The following KCNH8 variants were observed in gnomAD, a reference collection of about 807,000 sequenced individuals.
KCNH8 encodes voltage-gated delayed rectifier potassium channel KCNH8.
A neutral mutation model predicts 103.6 loss-of-function variants in KCNH8; 70 were observed. The observed-to-expected ratio is 0.68, with a 90% CI of 0.56 to 0.82. KCNH8 has a LOEUF of 0.82. KCNH8 is among the 40% of genes least tolerant of loss of function. KCNH8 has a pLI of 0.00. For missense variants in KCNH8, 1,217 were observed against 1,329.9 expected, an observed-to-expected ratio of 0.92 and a Z score of 1.32; for synonymous variants, 498 against 489.4, an observed-to-expected ratio of 1.02 and a Z score of -0.23.
At chr3:19,195,712 A>G (rs2063594287) in intron 1 of KCNH8, among the ~76,000 whole-genome samples, 1 of 152,030 alleles carries the variant, frequency 6.6e-6, no homozygotes. Flanking sequence ...ACCCAAGCTC[A>G]GCCAATCAGA....
At position 19,259,140 on chromosome 3, in the gene KCNH8, G is replaced by A. The variant is rs189867765; in HGVS notation, c.310+5253G>A. Among the ~76,000 whole-genome samples the A allele has an allele frequency of 4.8e-4, 73 of 150,764 alleles. No homozygotes were observed. In the East Asian group the frequency reaches 0.01, roughly 21 times the overall value. ...TCACAAATGCATTCATTCTCACGTC[G>A]CCATCAAGGTTTGCCATTTCTGTGT... On this transcript the variant is annotated intron_variant, in intron 2 of 15. Transcript: ENST00000328405.
intron 2 of KCNH8, 69 bp from the exon 3 acceptor site, chr3:19,281,128 TG>T: frequency 1.3e-6 from 2 of 1,494,830 alleles, no homozygotes; most frequent in Non-Finnish European, 9.1e-7. Flanking sequence ...TTTTTATTGA[TG>T]ATTGAGATTT....
chr3:19,236,604 T>C (rs1176462025), intron 1 of KCNH8, among the ~76,000 whole-genome samples: 1 of 152,242 alleles, frequency 6.6e-6, no homozygotes, highest in Non-Finnish European at 1.5e-5. Context: ...AACCATTTTA[T>C]ATGCCCTTTC....
intron 1 of KCNH8, among the ~76,000 whole-genome samples, chr3:19,231,668 A>G (rs1575454059): frequency 6.6e-6 from 1 of 152,270 alleles, no homozygotes; most frequent in East Asian, 1.9e-4. Flanking sequence ...TATCTGTTGC[A>G]TGGCTTCCTT....
At chr3:19,369,194 A>G (rs75475353) in intron 5 of KCNH8, among the ~76,000 whole-genome samples, 1,723 of 152,094 alleles carry the variant, frequency 0.011, 25 homozygotes, top group African/African-American at 0.039. Flanking sequence ...TGGTTGTAAC[A>G]AGGATACAGA....
At chr3:19,400,484 A>C (rs776953545) in intron 7 of KCNH8, among the ~76,000 whole-genome samples, 1 of 151,856 alleles carries the variant, frequency 6.6e-6, no homozygotes, top group Non-Finnish European at 1.5e-5. Flanking sequence ...AGACAATGAC[A>C]ATCTGAATTT....
At chr3:19,333,366 G>T (rs1166740774) in intron 3 of KCNH8, among the ~76,000 whole-genome samples, 5 of 152,292 alleles carry the variant, frequency 3.3e-5, no homozygotes, top group African/African-American at 1.2e-4. Context: ...CCGTGCAATT[G>T]TTTTGAACCT....
intron 1 of KCNH8, among the ~76,000 whole-genome samples, chr3:19,239,434 T>C (rs1274719167): frequency 6.6e-6 from 1 of 152,188 alleles, no homozygotes; most frequent in Non-Finnish European, 1.5e-5. Context: ...GAAAATCTTT[T>C]AACCTAGATA....
chr3:19,381,953 T>C (rs1400069341), intron 5 of KCNH8, among the ~76,000 whole-genome samples: 1 of 152,180 alleles, frequency 6.6e-6, no homozygotes, highest in African/African-American at 2.4e-5. Flanking sequence ...TTTTGAAAGT[T>C]AATGGCTAGA....
At chr3:19,484,313 C>G (rs554909031) in intron 11 of KCNH8, among the ~76,000 whole-genome samples, 2 of 152,170 alleles carry the variant, frequency 1.3e-5, no homozygotes, top group African/African-American at 4.8e-5. Flanking sequence ...TTCATAGTAA[C>G]TATAGAACAG....
intron 3 of KCNH8, among the ~76,000 whole-genome samples, chr3:19,313,129 G>A (rs1036735020): frequency 6.6e-6 from 1 of 151,924 alleles, no homozygotes; most frequent in Non-Finnish European, 1.5e-5. Context: ...GCTTCCAACT[G>A]TGGGTTGTGC....
intron 2 of KCNH8, among the ~76,000 whole-genome samples, chr3:19,265,015 C>G (rs916966062): frequency 3.3e-5 from 5 of 152,040 alleles, no homozygotes; most frequent in African/African-American, 1.2e-4. Context: ...TAGTCTATGA[C>G]AGGGGATGGT....
chr3:19,305,197 G>A (rs2065114773), intron 3 of KCNH8, among the ~76,000 whole-genome samples: 1 of 152,064 alleles, frequency 6.6e-6, no homozygotes, highest in Admixed American at 6.6e-5. Flanking sequence ...GTAGAGCAAT[G>A]TCTTAAAAAT....
intron 1 of KCNH8, among the ~76,000 whole-genome samples, chr3:19,213,221 C>G (rs529801860): frequency 6.6e-6 from 1 of 152,256 alleles, no homozygotes; most frequent in Non-Finnish European, 1.5e-5. Flanking sequence ...AGGATATTTC[C>G]TCTATGAAAC....
At chr3:19,529,828 G>A (rs1419907115) in intron 15 of KCNH8, among the ~76,000 whole-genome samples, 1 of 152,136 alleles carries the variant, frequency 6.6e-6, no homozygotes, top group East Asian at 1.9e-4. Flanking sequence ...TGTATCCCCA[G>A]AGACACAGTG....
At chr3:19,477,395 A>ACAAT (rs1173202049) in intron 11 of KCNH8, among the ~76,000 whole-genome samples, 1 of 151,910 alleles carries the variant, frequency 6.6e-6, no homozygotes, top group Non-Finnish European at 1.5e-5. Flanking sequence ...CGAGAACTTA[A>ACAAT]CAATGAATGT....
intron 5 of KCNH8, among the ~76,000 whole-genome samples, chr3:19,361,300 C>T (rs1574967641): frequency 6.6e-6 from 1 of 152,064 alleles, no homozygotes; most frequent in East Asian, 1.9e-4. Flanking sequence ...TAAAGGAGAT[C>T]CCACATTTTT....
chr3:19,218,563 C>T (rs895353827), intron 1 of KCNH8, among the ~76,000 whole-genome samples: 2 of 152,318 alleles, frequency 1.3e-5, no homozygotes, highest in Non-Finnish European at 2.9e-5. Context: ...AAAGTCCCTG[C>T]GGTAAGACTC....
intron 5 of KCNH8, among the ~76,000 whole-genome samples, chr3:19,374,474 CCAT>C (rs1271173810): frequency 6.6e-6 from 1 of 152,114 alleles, no homozygotes; most frequent in South Asian, 2.1e-4. Context: ...AGATCTTCCT[CCAT>C]CATTTTATTT....
Sources: gnomAD v4.1 joint callset for allele counts (sites outside exome capture counted in the v4.1 genomes callset) on GRCh38, gnomAD v4.1.1 for gene constraint, MANE v1.5 for transcripts, NCBI Gene and HGNC (gene_info 2026-07-23, HGNC 2026-07-21) for gene names.